CYYR1: variants seen among roughly 807,000 people sequenced by gnomAD.
CYYR1 encodes the protein cysteine and tyrosine-rich protein 1.
A neutral mutation model predicts 15.2 loss-of-function variants in CYYR1; 14 were observed. The observed-to-expected ratio is 0.92, with a 90% CI of 0.61 to 1.44. The LOEUF (loss-of-function observed/expected upper bound fraction) is 1.44. Among genes scored for constraint, CYYR1 ranks in the 40% most tolerant of loss-of-function variants. The pLI, the probability that CYYR1 is intolerant of heterozygous loss-of-function variation, is 0.00. For synonymous variants in CYYR1, 80 were observed against 77.4 expected, an observed-to-expected ratio of 1.03 and a Z score of -0.18; for missense variants, 228 against 209.5, an observed-to-expected ratio of 1.09 and a Z score of -0.54.
intron 2 of CYYR1, among the ~76,000 whole-genome samples, chr21:26,483,881 T>C (rs2065216305): frequency 6.6e-6 from 1 of 152,064 alleles, no homozygotes; most frequent in Non-Finnish European, 1.5e-5. Context: ...GAAGGTCAGT[T>C]TGGTGCTCAT....
chr21:26,528,624 C>A (rs1260503436), intron 2 of CYYR1, among the ~76,000 whole-genome samples: 1 of 152,100 alleles, frequency 6.6e-6, no homozygotes, highest in Non-Finnish European at 1.5e-5. Flanking sequence ...AAATTTCTTT[C>A]CTTCATAAAT....
chr21:26,509,775 G>A (rs868377049), intron 2 of CYYR1, among the ~76,000 whole-genome samples: 13 of 152,112 alleles, frequency 8.5e-5, no homozygotes, highest in Non-Finnish European at 1.6e-4. Flanking sequence ...TATCCAACTC[G>A]TTCCAGAAGT....
intron 2 of CYYR1, among the ~76,000 whole-genome samples, chr21:26,493,501 G>A (rs1041297251): frequency 3.3e-5 from 5 of 152,162 alleles, no homozygotes; most frequent in African/African-American, 1.2e-4. Flanking sequence ...AAGTTACCAA[G>A]TTCAAACTCC....
intron 2 of CYYR1, among the ~76,000 whole-genome samples, chr21:26,545,264 T>C (rs970526113): frequency 6.6e-5 from 10 of 151,806 alleles, no homozygotes; most frequent in African/African-American, 2.4e-4. Flanking sequence ...TGGGTTTGCC[T>C]CCCACTTGGT....
intron 2 of CYYR1, among the ~76,000 whole-genome samples, chr21:26,514,683 C>G (rs1018153482): frequency 1.3e-5 from 2 of 152,096 alleles, no homozygotes; most frequent in Non-Finnish European, 1.5e-5. Context: ...TAAAAAGGGC[C>G]AGAGTCAGAG....
intron 2 of CYYR1, among the ~76,000 whole-genome samples, chr21:26,562,399 G>T (rs1005913691): frequency 6.6e-6 from 1 of 152,034 alleles, no homozygotes; most frequent in Non-Finnish European, 1.5e-5. Context: ...TATAAAATCG[G>T]ATATCTGATT....
At chr21:26,501,074 T>G (rs2065475004) in intron 2 of CYYR1, among the ~76,000 whole-genome samples, 1 of 152,206 alleles carries the variant, frequency 6.6e-6, no homozygotes, top group Admixed American at 6.5e-5. Flanking sequence ...GCGCAGTGAC[T>G]TACGCCTGTA....
chr21:26,556,556 T>C (rs1325100519), intron 2 of CYYR1, among the ~76,000 whole-genome samples: 3 of 152,104 alleles, frequency 2.0e-5, no homozygotes, highest in East Asian at 1.9e-4. Flanking sequence ...GCTGTACAGA[T>C]AGCATGACTG....
At chr21:26,532,151 C>T (rs1401367434) in intron 2 of CYYR1, among the ~76,000 whole-genome samples, 1 of 152,098 alleles carries the variant, frequency 6.6e-6, no homozygotes, top group Non-Finnish European at 1.5e-5. Flanking sequence ...ATATCAAAGA[C>T]ATTTTTAATA....
chr21:26,488,877 T>C (rs1158237438), intron 2 of CYYR1, among the ~76,000 whole-genome samples: 1 of 152,178 alleles, frequency 6.6e-6, no homozygotes, highest in Non-Finnish European at 1.5e-5. Context: ...CAACTCCCAT[T>C]TCCTTTGCAC....
chr21:26,555,821 G>A (rs1979735668), intron 2 of CYYR1, among the ~76,000 whole-genome samples: 1 of 152,142 alleles, frequency 6.6e-6, no homozygotes, highest in Non-Finnish European at 1.5e-5. Flanking sequence ...CTGCCCATCA[G>A]AATTCTTCCA....
At position 26,468,213 on chromosome 21, in the gene CYYR1, G is replaced by T; in HGVS notation, c.*288C>A. ...TCTTCACCTAGCCCTTAAACAACAT[G>T]ATTATCAGATATTTTGTCAATTACA... is the stretch of plus-strand genomic sequence containing the variant. On this transcript the variant is annotated 3_prime_UTR_variant, in exon 4 of 4. Transcript: ENST00000652641. 2.5e-6 allele frequency: 1 copy of T among 397,418 alleles called. No individual in the cohort carries two copies. Among genetic ancestry groups the T allele is most frequent in the Non-Finnish European group, 4.7e-6 (1 of 211,336 alleles). The allele number at this position is 397,418 out of a possible 1,614,324, so 24.6% of individuals were successfully genotyped here.
chr21:26,492,303 T>C (rs562486258), intron 2 of CYYR1, among the ~76,000 whole-genome samples: 1 of 152,368 alleles, frequency 6.6e-6, no homozygotes, highest in South Asian at 2.1e-4. Context: ...CCTACCTTTG[T>C]ATCAATTCAC....
chr21:26,573,150 G>T lies in CYYR1; in HGVS notation c.-210C>A. The T allele has an allele frequency of 6.7e-7, 1 of 1,490,472 alleles. No individual in the cohort carries two copies. Among genetic ancestry groups the T allele is most frequent in the Non-Finnish European group, 8.9e-7 (1 of 1,124,454 alleles). The allele number at this position is 1,490,472 out of a possible 1,614,324, so 92.3% of individuals were successfully genotyped here. A position where few individuals can be genotyped will look rare whatever the true frequency, so the allele number is the denominator to read the frequency against. On this transcript the variant is annotated 5_prime_UTR_variant, in exon 1 of 4. Coordinates refer to ENST00000652641, the MANE Select transcript of CYYR1 (RefSeq NM_001320768.2). ...GGGACTCCGCGGAGCTGGGGCGCCCGTGGCCCGAGACGGGCTGCGCTGGGG... is the reference window on the plus strand; with the variant it reads ...GGGACTCCGCGGAGCTGGGGCGCCCTTGGCCCGAGACGGGCTGCGCTGGGG...
intron 2 of CYYR1, among the ~76,000 whole-genome samples, chr21:26,507,139 C>T (rs1375828355): frequency 6.6e-6 from 1 of 152,160 alleles, no homozygotes; most frequent in Non-Finnish European, 1.5e-5. Flanking sequence ...TCAATTTTGA[C>T]ACATGAGACA....
chr21:26,565,736 G>A (rs1980570984), intron 2 of CYYR1, among the ~76,000 whole-genome samples: 1 of 152,110 alleles, frequency 6.6e-6, no homozygotes, highest in Non-Finnish European at 1.5e-5. Context: ...CTCATACCTA[G>A]CTTGTCTTAG....
chr21:26,550,287 CA>C (rs925391368), intron 2 of CYYR1: 3 of 152,092 alleles, frequency 2.0e-5, no homozygotes, highest in Non-Finnish European at 4.4e-5. Flanking sequence ...CTCCATTGAC[CA>C]GCTGTTCCCA....
At position 26,489,246 on chromosome 21, in the gene CYYR1, T is replaced by C. The variant is rs184665970; in HGVS notation, c.177-8817A>G. Among the ~76,000 whole-genome samples the C allele has an allele frequency of 2.0e-3, 304 of 152,268 alleles. 2 individuals carry two copies. Among genetic ancestry groups the C allele is most frequent in the African/African-American group, 6.8e-3 (282 of 41,576 alleles). On this transcript the variant is annotated intron_variant, in intron 2 of 3. Coordinates refer to ENST00000652641, the MANE Select transcript of CYYR1 (RefSeq NM_001320768.2). ...TCTATACATTACTTCGATGTCAAAG[T>C]AGTATACAAAATGAGAATAAAAAGT... is the stretch of plus-strand genomic sequence containing the variant.
chr21:26,503,095 T>C (rs1359730341), intron 2 of CYYR1, among the ~76,000 whole-genome samples: 1 of 152,164 alleles, frequency 6.6e-6, no homozygotes, highest in Non-Finnish European at 1.5e-5. Flanking sequence ...GGCTCAATTT[T>C]AGAGCTGTGC....
Sources: allele counts gnomAD v4.1 joint callset (sites outside exome capture counted in the v4.1 genomes callset), GRCh38; gene constraint gnomAD v4.1.1; transcripts MANE v1.5; gene names NCBI Gene and HGNC (gene_info 2026-07-23, HGNC 2026-07-21).